The following EPM2A variants were observed in gnomAD, a reference collection of about 807,000 sequenced individuals.
EPM2A encodes the protein laforin.
Under a neutral mutation model 26.5 loss-of-function variants are expected in EPM2A, and 21 were observed. That is an observed-to-expected ratio of 0.79 (90% CI 0.56 to 1.14). The LOEUF is 1.14. Ranked by LOEUF, EPM2A falls within the 50% of genes most tolerant of loss-of-function variation. The pLI is 0.00. For synonymous variants in EPM2A, 217 were observed against 177.6 expected, an observed-to-expected ratio of 1.22 and a Z score of -1.76; for missense variants, 458 against 440.8, an observed-to-expected ratio of 1.04 and a Z score of -0.35.
chr6:145,395,305 TCA>T (rs1470956689), intron 4 of EPM2A, among the ~76,000 whole-genome samples: 3 of 152,160 alleles, frequency 2.0e-5, no homozygotes, highest in African/African-American at 7.2e-5. Context: ...TCAGTTGGCC[TCA>T]CCCCCTACTC....
At chr6:145,424,849 A>G (rs1778832019) in intron 4 of EPM2A, among the ~76,000 whole-genome samples, 1 of 152,212 alleles carries the variant, frequency 6.6e-6, no homozygotes, top group South Asian at 2.1e-4. Flanking sequence ...AACCTTGATC[A>G]TAGATTTCCT....
chr6:145,725,391 A>C (rs1448322253), intron 1 of EPM2A, among the ~76,000 whole-genome samples: 5 of 152,088 alleles, frequency 3.3e-5, no homozygotes, highest in Admixed American at 6.6e-5. Flanking sequence ...GTTTCTTACA[A>C]TGCTGAGTAG....
intron 2 of EPM2A, among the ~76,000 whole-genome samples, chr6:145,508,040 C>T (rs575585509): frequency 6.6e-6 from 1 of 152,306 alleles, no homozygotes; most frequent in East Asian, 1.9e-4. Flanking sequence ...GGTGCATAGC[C>T]TGCCAAAGCC....
chr6:145,671,003 T>C (rs569977209), intron 2 of EPM2A: 1 of 985,126 alleles, frequency 1.0e-6, no homozygotes, highest in South Asian at 4.7e-5. Flanking sequence ...TTTAAAAGAA[T>C]CTCAAATCAT....
At chr6:145,463,706 A>G (rs538066161) in intron 4 of EPM2A, among the ~76,000 whole-genome samples, 2 of 152,216 alleles carry the variant, frequency 1.3e-5, no homozygotes, top group African/African-American at 4.8e-5. Context: ...TTTGTTAACT[A>G]TCAAATCTTT....
intron 3 of EPM2A, chr6:145,633,764 A>G (rs35113645): frequency 1.3e-5 from 2 of 152,188 alleles, no homozygotes; most frequent in Non-Finnish European, 2.9e-5. Context: ...GATCATGAAC[A>G]TAAGGGGTTG....
intron 2 of EPM2A, chr6:145,636,755 T>G (rs1038717195): frequency 2.6e-5 from 4 of 151,782 alleles, no homozygotes; most frequent in Non-Finnish European, 5.9e-5. Flanking sequence ...AAACCTCGTC[T>G]CTAGTAAAAT....
At position 145,528,451 on chromosome 6, in the gene EPM2A, C is replaced by A. The variant is rs143589864; in HGVS notation, c.341-25876G>T. The stretch of plus-strand genomic sequence containing the variant: ...TGAATTGAAAACAATGCTCATTTAT[C>A]ATTTCAAAAATGTTAGAGCCCTTCA... On this transcript the variant is annotated intron_variant, in intron 2 of 3. Coordinates refer to the EPM2A transcript ENST00000450221. Among the ~76,000 whole-genome samples the A allele has an allele frequency of 4.4e-3, 664 of 152,226 alleles. 3 individuals carry two copies. Among genetic ancestry groups the A allele is most frequent in the African/African-American group, 0.014 (601 of 41,536 alleles).
intron 2 of EPM2A, among the ~76,000 whole-genome samples, chr6:145,561,839 C>T (rs1312889778): frequency 6.6e-6 from 1 of 152,024 alleles, no homozygotes; most frequent in Admixed American, 6.6e-5. Context: ...TCTGAAATTA[C>T]ACAGTTCTAA....
intron 1 of EPM2A, among the ~76,000 whole-genome samples, chr6:145,699,784 C>T (rs1781811376): frequency 6.6e-6 from 1 of 152,100 alleles, no homozygotes; most frequent in Non-Finnish European, 1.5e-5. Flanking sequence ...CTAACCATTA[C>T]TGTATTTAAG....
chr6:145,619,274 T>G (rs778121658), intron 2 of EPM2A, among the ~76,000 whole-genome samples: 1 of 152,180 alleles, frequency 6.6e-6, no homozygotes, highest in African/African-American at 2.4e-5. Flanking sequence ...GGATTGAGAT[T>G]TGGATATCAT....
chr6:145,605,107 T>C (rs1244227071), intron 2 of EPM2A, among the ~76,000 whole-genome samples: 2 of 152,154 alleles, frequency 1.3e-5, no homozygotes, highest in East Asian at 1.9e-4. Flanking sequence ...AAAGGTTGTA[T>C]ATCCTTTGGC....
intron 4 of EPM2A, among the ~76,000 whole-genome samples, chr6:145,401,155 T>C (rs1276985024): frequency 6.6e-5 from 10 of 151,956 alleles, no homozygotes; most frequent in Admixed American, 5.9e-4. Context: ...CAATCAAGCC[T>C]ATGAAAACGG....
intron 1 of EPM2A, among the ~76,000 whole-genome samples, chr6:145,701,285 G>C (rs1412796160): frequency 6.6e-6 from 1 of 152,130 alleles, no homozygotes; most frequent in Non-Finnish European, 1.5e-5. Flanking sequence ...ATAAGACTCT[G>C]TCTTACATAA....
chr6:145,383,636 C>A (rs183413201), exon 5 of EPM2A: 1 of 152,216 alleles, frequency 6.6e-6, no homozygotes, highest in Non-Finnish European at 1.5e-5. Context: ...CACTTCCCAG[C>A]AGGCCCTACC....
At position 145,530,664 on chromosome 6, in the gene EPM2A, G is replaced by A. The variant is rs374085562; in HGVS notation, c.341-28089C>T. 9.8e-5 allele frequency among the ~76,000 whole-genome samples: 15 copies of A among 152,292 alleles called. 1 individual carries two copies. The highest frequency in any genetic ancestry group is 3.6e-4 in the African/African-American group (15 of 41,570). ...GAGTAACTGAGATCACACCTGTAAT[G>A]TGCCCATAGCTGACAATCAGTAAAG... On this transcript the variant is annotated intron_variant, in intron 2 of 3. Transcript: ENST00000450221.
intron 2 of EPM2A, among the ~76,000 whole-genome samples, chr6:145,538,639 T>C (rs1195929324): frequency 6.6e-6 from 1 of 152,214 alleles, no homozygotes; most frequent in African/African-American, 2.4e-5. Flanking sequence ...ATTGTATAAT[T>C]TCTTTTGTTT....
chr6:145,438,767 C>T (rs1427073710), intron 4 of EPM2A, among the ~76,000 whole-genome samples: 6 of 152,106 alleles, frequency 3.9e-5, no homozygotes, highest in African/African-American at 9.7e-5. Context: ...CCATTGCACT[C>T]GGCCAAGGAT....
At chr6:145,405,613 C>T (rs1778557048) in intron 4 of EPM2A, among the ~76,000 whole-genome samples, 2 of 152,008 alleles carry the variant, frequency 1.3e-5, no homozygotes, top group Admixed American at 1.3e-4. Context: ...CAGAAATATG[C>T]AAAATCATTT....
Sources: gnomAD v4.1 joint callset for allele counts (sites outside exome capture counted in the v4.1 genomes callset) on GRCh38, gnomAD v4.1.1 for gene constraint, MANE v1.5 for transcripts, NCBI Gene and HGNC (gene_info 2026-07-23, HGNC 2026-07-21) for gene names.